PDE1C: variants seen among roughly 807,000 people sequenced by gnomAD.
PDE1C encodes phosphodiesterase 1C.
In PDE1C, 62 loss-of-function variants were observed where a neutral mutation model predicts 93.1. The ratio of observed to expected loss-of-function variants is 0.67; its 90% CI spans 0.54 to 0.82. PDE1C has a LOEUF of 0.82. Ranked by LOEUF, PDE1C falls within the 40% of genes least tolerant of loss-of-function variation. The probability of loss-of-function intolerance (pLI) is 0.00; values close to 1 mark genes in which losing one functional copy is unlikely to be tolerated. For synonymous variants in PDE1C, 325 were observed against 310.1 expected, an observed-to-expected ratio of 1.05 and a Z score of -0.50; for missense variants, 742 against 884.6, an observed-to-expected ratio of 0.84 and a Z score of 2.04.
At chr7:32,425,801 C>T (rs1785515621) in intron 1 of PDE1C, among the ~76,000 whole-genome samples, 2 of 152,060 alleles carry the variant, frequency 1.3e-5, no homozygotes, top group South Asian at 4.2e-4. Flanking sequence ...ATTAACCAGG[C>T]ATGGTGGCAT....
chr7:31,716,990 G>C, the PDE1C span, among the ~76,000 whole-genome samples: 1 of 152,270 alleles, frequency 6.6e-6, no homozygotes, highest in South Asian at 2.1e-4. Context: ...TCACATAAAA[G>C]AGCTCTTGAA....
chr7:31,721,493 C>A, the PDE1C span, among the ~76,000 whole-genome samples: 2 of 152,044 alleles, frequency 1.3e-5, no homozygotes, highest in Non-Finnish European at 2.9e-5. Context: ...GCATTGGGCA[C>A]CACAGATTTG....
At chr7:31,908,190 A>G (rs535902936) in intron 2 of PDE1C, among the ~76,000 whole-genome samples, 1 of 13,614 alleles carries the variant, frequency 7.3e-5, no homozygotes, top group South Asian at 0.25. Flanking sequence ...GTCATTAGTA[A>G]TATGTCATTA....
intron 16 of PDE1C, chr7:31,789,798 G>A: frequency 9.1e-6 from 9 of 990,542 alleles, no homozygotes; most frequent in Non-Finnish European, 1.1e-5. Context: ...GTGCAAAAAT[G>A]ACAACATTTA....
the PDE1C span, chr7:31,697,214 C>A: frequency 6.8e-7 from 1 of 1,463,178 alleles, no homozygotes; most frequent in Non-Finnish European, 9.2e-7. Context: ...TTGTCCTGCC[C>A]CAGCAAGCTG....
intron 1 of PDE1C, among the ~76,000 whole-genome samples, chr7:32,374,664 C>T (rs1201123015): frequency 6.6e-6 from 1 of 152,270 alleles, no homozygotes; most frequent in African/African-American, 2.4e-5. Flanking sequence ...CATGACTGCT[C>T]TGTCTGTTCC....
the PDE1C span, among the ~76,000 whole-genome samples, chr7:31,647,009 C>A: frequency 6.6e-6 from 1 of 152,228 alleles, no homozygotes; most frequent in Non-Finnish European, 1.5e-5. Flanking sequence ...AAAATACACT[C>A]AAAGAAAACA....
intron 1 of PDE1C, among the ~76,000 whole-genome samples, chr7:32,323,097 T>A (rs1035176555): frequency 6.6e-6 from 1 of 152,206 alleles, no homozygotes; most frequent in Admixed American, 6.5e-5. Flanking sequence ...TAAAGTGACA[T>A]GTAACATCAA....
chr7:31,712,420 G>C, the PDE1C span, among the ~76,000 whole-genome samples: 1 of 152,226 alleles, frequency 6.6e-6, no homozygotes, highest in Non-Finnish European at 1.5e-5. Flanking sequence ...CTATGGAGCC[G>C]AACACAAATG....
the PDE1C span, among the ~76,000 whole-genome samples, chr7:31,666,415 A>G: frequency 6.6e-6 from 1 of 152,200 alleles, no homozygotes; most frequent in Non-Finnish European, 1.5e-5. Context: ...TAATGAGTTT[A>G]GTAACATTTG....
chr7:31,806,388 C>T (rs1445877391), intron 16 of PDE1C, among the ~76,000 whole-genome samples: 4 of 151,924 alleles, frequency 2.6e-5, no homozygotes, highest in African/African-American at 4.8e-5. Flanking sequence ...ACAAATCTTC[C>T]GATGCCAATG....
chr7:32,147,984 T>TAAAACAAAAAAAAAAAAAAAAAA (rs1801003008), intron 3 of PDE1C, among the ~76,000 whole-genome samples: 1 of 79,730 alleles, frequency 1.3e-5, no homozygotes, highest in Non-Finnish European at 2.2e-5. Flanking sequence ...CCATTTATGC[T>TAAAACAAAAAAAAAAAAAAAAAA]AAAAAAAAAA....
intron 3 of PDE1C, among the ~76,000 whole-genome samples, chr7:32,081,925 A>T (rs10231588): frequency 2.0e-5 from 3 of 151,818 alleles, no homozygotes; most frequent in Non-Finnish European, 2.9e-5. Context: ...CAGCTCCCAG[A>T]GTGAGCGACG....
chr7:31,792,302 C>T (rs1482807851), intron 16 of PDE1C, among the ~76,000 whole-genome samples: 1 of 152,096 alleles, frequency 6.6e-6, no homozygotes, highest in African/African-American at 2.4e-5. Flanking sequence ...GTTTATAACA[C>T]TTCTTGCATG....
chr7:31,629,231 A>T, the PDE1C span, among the ~76,000 whole-genome samples: 19 of 152,320 alleles, frequency 1.2e-4, no homozygotes, highest in African/African-American at 4.3e-4. Context: ...TGTCTCAGGA[A>T]TATCTACTAA....
chr7:31,988,223 C>T (rs1422133810), intron 2 of PDE1C, among the ~76,000 whole-genome samples: 1 of 152,132 alleles, frequency 6.6e-6, no homozygotes, highest in Non-Finnish European at 1.5e-5. Flanking sequence ...TCTCTGGGGG[C>T]CTTACAAGGC....
At chr7:31,899,899 G>T (rs906457313) in intron 2 of PDE1C, among the ~76,000 whole-genome samples, 1 of 152,086 alleles carries the variant, frequency 6.6e-6, no homozygotes, top group Non-Finnish European at 1.5e-5. Context: ...AAGACATTTC[G>T]GTTGTTAACA....
intron 17 of PDE1C, among the ~76,000 whole-genome samples, chr7:31,770,017 C>A (rs1795381629): frequency 6.6e-6 from 1 of 152,130 alleles, no homozygotes. Flanking sequence ...ATTTTACATT[C>A]CCACCAGCAA....
chr7:31,961,461 T>C (rs959227309), intron 2 of PDE1C, among the ~76,000 whole-genome samples: 8 of 152,166 alleles, frequency 5.3e-5, no homozygotes. Flanking sequence ...TTATTTTATA[T>C]GTAGTATCAG....
Sources: gnomAD v4.1 joint callset for allele counts (sites outside exome capture counted in the v4.1 genomes callset) on GRCh38, gnomAD v4.1.1 for gene constraint, MANE v1.5 for transcripts, NCBI Gene and HGNC (gene_info 2026-07-23, HGNC 2026-07-21) for gene names.